Variants in GLP1R observed in about 807,000 individuals in gnomAD.
GLP1R encodes the protein glucagon like peptide 1 receptor.
Under a neutral mutation model 68.4 loss-of-function variants are expected in GLP1R, and 32 were observed. The ratio of observed to expected loss-of-function variants is 0.47; its 90% CI spans 0.35 to 0.63. The LOEUF (loss-of-function observed/expected upper bound fraction) is 0.63. GLP1R is among the 20% of genes least tolerant of loss of function. GLP1R has a pLI of 0.00. For synonymous variants in GLP1R, 263 were observed against 244.4 expected (o/e 1.08, Z -0.71); for missense variants, 502 against 594.9 (o/e 0.84, Z 1.62).
chr6:39,050,535 G>T (rs1351562850), intron 1 of GLP1R, among the ~76,000 whole-genome samples: 2 of 152,012 alleles, frequency 1.3e-5, no homozygotes, highest in Admixed American at 1.3e-4. Flanking sequence ...GGCATCCTGG[G>T]GGCATAACAG....
At position 39,078,370 on chromosome 6, in the gene GLP1R, A is replaced by G. The variant is rs200792917; in HGVS notation, c.872A>G (p.Tyr291Cys). 115 of 1,611,164 alleles carry G rather than the reference A, an allele frequency of 7.1e-5. No individual in the cohort carries two copies. The highest frequency in any genetic ancestry group is 9.0e-5 in the Non-Finnish European group (106 of 1,177,550). ...VVPWGIVKYLYEDEGCWTRNS... is the reference protein window; with the variant it reads ...VVPWGIVKYLCEDEGCWTRNS... ...CCCTGGGGCATTGTCAAGTACCTCT[A>G]TGAGGACGAGGGGTGAGTGTCCTGC... The change falls in exon 8 of 13, where the codon TAT becomes TGT. Residue 291 changes from tyrosine to cysteine, a missense_variant. Coordinates refer to ENST00000373256, the MANE Select transcript of GLP1R (RefSeq NM_002062.5).
Position 39,086,021 on chromosome 6 carries a change from C to G in GLP1R, c.1340C>G (p.Ala447Gly), listed in dbSNP as rs1249883851. The change falls in exon 13 of 13, where the codon GCC becomes GGC. Residue 447 changes from alanine to glycine, a missense_variant. Ala to Gly is a moderately conservative substitution (Grantham distance 60, BLOSUM62 0). Transcript: ENST00000373256. This position sits in a 1 kb window ranked among gnomAD's most constrained non-coding sequence, Gnocchi z 4.5. The stretch of plus-strand genomic sequence containing the variant: ...CCCACCAGCAGCCTGAGCAGTGGAG[C>G]CACGGCGGGCAGCAGCATGTACACA... ...KCPTSSLSSGATAGSSMYTAT... is the reference protein window; with the variant it reads ...KCPTSSLSSGGTAGSSMYTAT... The G allele has an allele frequency of 6.2e-7, 1 of 1,614,068 alleles. No individual in the cohort carries two copies. The highest frequency in any genetic ancestry group is 2.2e-5 in the East Asian group (1 of 44,882).
chr6:39,059,020 C>A (rs10305450), intron 3 of GLP1R, among the ~76,000 whole-genome samples: 1 of 152,164 alleles, frequency 6.6e-6, no homozygotes, highest in Non-Finnish European at 1.5e-5. Context: ...CACCTTGGCA[C>A]GTGGGACTGA....
intron 3 of GLP1R, among the ~76,000 whole-genome samples, chr6:39,060,626 C>T (rs1418754811): frequency 6.6e-6 from 1 of 152,320 alleles, no homozygotes; most frequent in Admixed American, 6.5e-5. Context: ...GGAGAACACC[C>T]AGCCTCTCTC....
chr6:39,060,030 T>C (rs1477476956), intron 3 of GLP1R, among the ~76,000 whole-genome samples: 4 of 152,132 alleles, frequency 2.6e-5, no homozygotes, highest in Admixed American at 6.5e-5. Context: ...ACTCCCTTTT[T>C]TGACACTTGG....
rs745653743 is a variant in GLP1R, at chr6:39,078,304, T to C, written c.824-18T>C. On this transcript the variant is annotated intron_variant, in intron 7 of 12. Coordinates refer to ENST00000373256, the MANE Select transcript of GLP1R (RefSeq NM_002062.5). ...GCCTGCCAGCCCCTCTCCCCTTCTG[T>C]CTTTCCCTCTCTCTTAGGTGTTCCC... The C allele has an allele frequency of 1.0e-5, 16 of 1,600,968 alleles. No homozygotes were observed. Among genetic ancestry groups the C allele is most frequent in the South Asian group, 4.4e-5 (4 of 90,808 alleles).
chr6:39,082,407 C>T (rs937846681), intron 12 of GLP1R, among the ~76,000 whole-genome samples: 4 of 152,098 alleles, frequency 2.6e-5, no homozygotes, highest in African/African-American at 9.7e-5. Flanking sequence ...GGCAAGATCC[C>T]ACTTAATGCC....
At chr6:39,085,690 A>T (rs1255257713) in intron 12 of GLP1R, among the ~76,000 whole-genome samples, 1 of 152,262 alleles carries the variant, frequency 6.6e-6, no homozygotes, top group Non-Finnish European at 1.5e-5. Flanking sequence ...CAATTAGGTC[A>T]TCAAGCTGAT....
chr6:39,078,623 G>T (rs1417433039), intron 8 of GLP1R, among the ~76,000 whole-genome samples: 4 of 152,112 alleles, frequency 2.6e-5, no homozygotes, highest in African/African-American at 9.7e-5. Context: ...CCCTCCTGCA[G>T]GTTTTTCTGT....
rs900903329 is a variant in GLP1R, at chr6:39,079,449, G to A, written c.1044-115G>A. The A allele has an allele frequency of 5.4e-6, 6 of 1,102,360 alleles. No homozygotes were observed. The highest frequency in any genetic ancestry group is 1.6e-5 in the South Asian group (1 of 63,774). 68.3% of individuals were successfully genotyped at this position (1,102,360 alleles called of 1,614,324 possible). ...CTGTCCCAGGGTATTTGGGGTGGGA[G>A]AACATCCATGACCCAGATATCAGGA... is the stretch of plus-strand genomic sequence containing the variant. On this transcript the variant is annotated intron_variant, in intron 10 of 12. Transcript: ENST00000373256. The surrounding 1 kb of genome is among the most constrained non-coding windows in gnomAD (Gnocchi z 4.5).
At chr6:39,070,201 G>C (rs750233283) in intron 5 of GLP1R, among the ~76,000 whole-genome samples, 3 of 152,186 alleles carry the variant, frequency 2.0e-5, no homozygotes, top group Non-Finnish European at 4.4e-5. Context: ...GTTTTATCAT[G>C]AATTTTGGAG....
intron 3 of GLP1R, among the ~76,000 whole-genome samples, chr6:39,062,424 T>C (rs535405563): frequency 6.6e-6 from 1 of 152,324 alleles, no homozygotes; most frequent in South Asian, 2.1e-4. Flanking sequence ...GCTTTTAATA[T>C]TTGATGTTAA....
In GLP1R at chr6:39,066,289, C is replaced by T. The variant is rs201911640; in HGVS notation, c.495C>T (p.Ile165=). 6 of 1,602,878 alleles carry T rather than the reference C, an allele frequency of 3.7e-6. No homozygotes were observed. The highest frequency in any genetic ancestry group is 2.7e-5 in the African/African-American group (2 of 74,750). ...SFSALVIASA[I]LLGFRHLHCT... ...CTGCTCTGGTTATCGCCTCTGCGATCCTCCTCGGCTTCAGGTAAGGTGGCC... is the reference window on the plus strand; with the variant it reads ...CTGCTCTGGTTATCGCCTCTGCGATTCTCCTCGGCTTCAGGTAAGGTGGCC... The change falls in exon 5 of 13, where the codon ATC becomes ATT. Residue 165 remains isoleucine, a synonymous_variant. Transcript: ENST00000373256.
Position 39,086,833 on chromosome 6 carries a change from C to CAGGG in GLP1R, c.*760_*761insAGGG, listed in dbSNP as rs1416702468. ...CAGGGCAGGCTTGCCACCGGGGAAC[C>CAGGG]CAGCCCTGGGGTATGAGCTGCCAAG... is the stretch of plus-strand genomic sequence containing the variant. On this transcript the variant is annotated 3_prime_UTR_variant, in exon 13 of 13. Transcript: ENST00000373256. The surrounding 1 kb of genome is among the most constrained non-coding windows in gnomAD (Gnocchi z 4.5). The CAGGG allele has an allele frequency of 6.6e-6, 1 of 152,590 alleles. No homozygotes were observed. Among genetic ancestry groups the CAGGG allele is most frequent in the African/African-American group, 2.4e-5 (1 of 41,440 alleles). The allele number at this position is 152,590 out of a possible 1,614,324, so 9.5% of individuals were successfully genotyped here. A position where few individuals can be genotyped will look rare whatever the true frequency, so the allele number is the denominator to read the frequency against.
rs3839539 is a variant in GLP1R at position 39,055,912 on chromosome 6, T to TG, written c.79-478dup. Among the ~76,000 whole-genome samples, 2,093 of 152,134 alleles carry TG rather than the reference T, an allele frequency of 0.014. 159 individuals carry two copies. In the East Asian group the frequency reaches 0.2, roughly 14 times the overall value. The stretch of plus-strand genomic sequence containing the variant: ...AGATTCTAGCCTTAACTCTGCTTCC[T>TG]GGGGGGGCTGTGCACCCTTGATTCA... On this transcript the variant is annotated intron_variant, in intron 1 of 12. Transcript: ENST00000373256.
rs1433205690 is a variant in GLP1R at position 39,066,059 on chromosome 6, T to C, written c.403-138T>C. On this transcript the variant is annotated intron_variant, in intron 4 of 12. Coordinates refer to ENST00000373256, the MANE Select transcript of GLP1R (RefSeq NM_002062.5). The stretch of plus-strand genomic sequence containing the variant: ...AAGAACCATCGCCGTAGGTTACGGT[T>C]ATTCTCTTTCTTGGTCTTGGTATCC... 1.3e-5 allele frequency: 8 copies of C among 625,694 alleles called. No individual in the cohort carries two copies. In the East Asian group the frequency reaches 1.9e-4, roughly 15 times the overall value. The allele number at this position is 625,694 out of a possible 1,614,324, so 38.8% of individuals were successfully genotyped here.
At position 39,087,664 on chromosome 6, in the gene GLP1R, G is replaced by A. The variant is rs569641300; in HGVS notation, c.*1591G>A. The A allele has an allele frequency of 6.6e-6, 1 of 152,176 alleles. No homozygotes were observed. Among genetic ancestry groups the A allele is most frequent in the Non-Finnish European group, 1.5e-5 (1 of 68,050 alleles). 9.4% of individuals were successfully genotyped at this position (152,176 alleles called of 1,614,324 possible). On this transcript the variant is annotated 3_prime_UTR_variant, in exon 13 of 13. Transcript: ENST00000373256. Reference sequence around the variant, plus strand: ...AACCTTTCCCCAGACACATTCTCCTGTGCCCCTCAGAGAGGCATGTGATGT... The same window carrying A: ...AACCTTTCCCCAGACACATTCTCCTATGCCCCTCAGAGAGGCATGTGATGT...
At chr6:39,059,598 A>G (rs1768308426) in intron 3 of GLP1R, among the ~76,000 whole-genome samples, 1 of 152,138 alleles carries the variant, frequency 6.6e-6, no homozygotes, top group Non-Finnish European at 1.5e-5. Flanking sequence ...CTCATCTGGG[A>G]GATGGTATAG....
intron 12 of GLP1R, among the ~76,000 whole-genome samples, chr6:39,081,557 C>T (rs1769014495): frequency 6.6e-6 from 1 of 152,148 alleles, no homozygotes; most frequent in African/African-American, 2.4e-5. Context: ...TGGAAAAGGC[C>T]CCTTCCACCA....
Sources: gnomAD v4.1 joint callset for allele counts (sites outside exome capture counted in the v4.1 genomes callset) on GRCh38, gnomAD v4.1.1 for gene constraint, Gnocchi (gnomAD v3.1) non-coding constraint, MANE v1.5 for transcripts, NCBI Gene and HGNC (gene_info 2026-07-23, HGNC 2026-07-21) for gene names.